Variants in RBFOX1 observed in about 807,000 individuals in gnomAD.
RBFOX1 encodes RNA binding fox-1 homolog 1, also known as RNA binding protein fox-1 homolog 1.
In RBFOX1, 8 loss-of-function variants were observed where a neutral mutation model predicts 57.7. The ratio of observed to expected loss-of-function variants is 0.14; its 90% CI spans 0.08 to 0.25. The LOEUF is 0.25. RBFOX1 is among the 10% of genes least tolerant of loss of function. RBFOX1 has a pLI of 1.00. For missense variants in RBFOX1, 611 were observed against 548.5 expected, an observed-to-expected ratio of 1.11 and a Z score of -1.14; for synonymous variants, 326 against 222.4, an observed-to-expected ratio of 1.47 and a Z score of -4.15.
chr16:6,583,996 ACAT>A (rs1419582005), intron 2 of RBFOX1, among the ~76,000 whole-genome samples: 6 of 121,164 alleles, frequency 5.0e-5, no homozygotes, highest in Admixed American at 2.8e-4. Context: ...AACGACAACA[ACAT>A]TTAAAAAAAA....
chr16:6,212,855 G>C (rs567821369), intron 1 of RBFOX1, among the ~76,000 whole-genome samples: 1 of 152,032 alleles, frequency 6.6e-6, no homozygotes, highest in South Asian at 2.1e-4. Context: ...ACCTGAAAAA[G>C]GTAAGAAGAA....
chr16:6,872,398 CT>C (rs1265421816), intron 3 of RBFOX1, among the ~76,000 whole-genome samples: 2 of 152,030 alleles, frequency 1.3e-5, no homozygotes. Context: ...GACCATAGCT[CT>C]TTTTTTAATC....
At chr16:6,632,165 C>T (rs978615466) in intron 2 of RBFOX1, among the ~76,000 whole-genome samples, 1 of 152,110 alleles carries the variant, frequency 6.6e-6, no homozygotes, top group Non-Finnish European at 1.5e-5. Context: ...TCCTTCACTT[C>T]CTCCTCCTTG....
chr16:6,010,192 C>G (rs750216771), intron 4 of RBFOX1, among the ~76,000 whole-genome samples: 1 of 152,132 alleles, frequency 6.6e-6, no homozygotes, highest in Non-Finnish European at 1.5e-5. Flanking sequence ...AATCTCAGCA[C>G]CTGACAACTC....
chr16:7,206,827 A>G (rs1381903828), intron 4 of RBFOX1, among the ~76,000 whole-genome samples: 3 of 152,124 alleles, frequency 2.0e-5, no homozygotes, highest in African/African-American at 7.2e-5. Flanking sequence ...GTTGGGATTT[A>G]TAAACAATCA....
At chr16:5,511,068 G>C (rs13329980) in intron 2 of RBFOX1, among the ~76,000 whole-genome samples, 38,179 of 151,982 alleles carry the variant, frequency 0.25, 5,058 homozygotes, top group Non-Finnish European at 0.29. Flanking sequence ...TGATGCAATT[G>C]GCCGTGAAAA....
rs1039622081 is a variant in RBFOX1 at position 6,976,846 on chromosome 16, A to C, written c.-15-75211A>C. Reference sequence around the variant, plus strand: ...TCATATATAATGTACCTATCATATGATGTATATCACATATATATCACATAT... The same window carrying C: ...TCATATATAATGTACCTATCATATGCTGTATATCACATATATATCACATAT... On this transcript the variant is annotated intron_variant, in intron 3 of 15. Transcript: ENST00000550418. Among the ~76,000 whole-genome samples, 6 of 127,972 alleles carry C rather than the reference A, an allele frequency of 4.7e-5. No homozygotes were observed. In the East Asian group the frequency reaches 9.3e-4, roughly 20 times the overall value. The allele number at this position is 127,972 out of a possible 152,430, so 84.0% of individuals were successfully genotyped here.
In RBFOX1 at chr16:7,430,200, G is replaced by A. The variant is rs187062857; in HGVS notation, c.28-87947G>A. On this transcript the variant is annotated intron_variant, in intron 4 of 15. Transcript: ENST00000550418. ...TTTTTGGATAAATAATGTTCCATTG[G>A]CCCACAGTAACTATTCCAGCCTCAT... 1.6e-4 allele frequency among the ~76,000 whole-genome samples: 24 copies of A among 152,174 alleles called. No homozygotes were observed. In the East Asian group the frequency reaches 3.9e-3, roughly 24 times the overall value.
intron 3 of RBFOX1, among the ~76,000 whole-genome samples, chr16:6,832,345 T>G (rs767846086): frequency 1.3e-5 from 2 of 152,184 alleles, no homozygotes; most frequent in African/African-American, 2.4e-5. Context: ...TTACAGAGTG[T>G]TCTAAATTAG....
chr16:6,228,198 C>G (rs1456277789), intron 1 of RBFOX1, among the ~76,000 whole-genome samples: 1 of 152,084 alleles, frequency 6.6e-6, no homozygotes, highest in East Asian at 1.9e-4. Context: ...GTATTCCCAG[C>G]TACTCGGGGC....
chr16:7,313,475 C>CTTTTCT (rs1555698064), intron 4 of RBFOX1, among the ~76,000 whole-genome samples: 3 of 144,278 alleles, frequency 2.1e-5, no homozygotes, highest in South Asian at 2.2e-4. Context: ...CTTTTCTTGT[C>CTTTTCT]TTTTTTTTTT....
chr16:6,968,626 A>G (rs573273558), intron 3 of RBFOX1, among the ~76,000 whole-genome samples: 2 of 152,144 alleles, frequency 1.3e-5, no homozygotes, highest in Non-Finnish European at 2.9e-5. Context: ...TTCAGTTTGC[A>G]TTTACACAAC....
chr16:7,631,000 A>G (rs1227889980), intron 11 of RBFOX1, among the ~76,000 whole-genome samples: 1 of 152,156 alleles, frequency 6.6e-6, no homozygotes, highest in African/African-American at 2.4e-5. Context: ...TTAATATAAA[A>G]ATAATTTAAA....
intron 2 of RBFOX1, among the ~76,000 whole-genome samples, chr16:5,579,707 C>T (rs28665332): frequency 2.6e-5 from 4 of 152,060 alleles, no homozygotes; most frequent in African/African-American, 7.2e-5. Context: ...TTGACTTTTC[C>T]TTTCATGACA....
At chr16:7,314,157 C>G (rs544318363) in intron 4 of RBFOX1, among the ~76,000 whole-genome samples, 10 of 152,198 alleles carry the variant, frequency 6.6e-5, no homozygotes, top group Admixed American at 3.9e-4. Flanking sequence ...ATCATCAGCA[C>G]TGAGAATGAT....
chr16:6,377,397 C>A (rs1052697571), intron 2 of RBFOX1, among the ~76,000 whole-genome samples: 1 of 152,122 alleles, frequency 6.6e-6, no homozygotes, highest in Non-Finnish European at 1.5e-5. Context: ...AATAAGCCCA[C>A]GTTCTGACAT....
chr16:5,248,335 C>T (rs2062355848), intron 1 of RBFOX1, among the ~76,000 whole-genome samples: 1 of 152,242 alleles, frequency 6.6e-6, no homozygotes, highest in African/African-American at 2.4e-5. Flanking sequence ...CTCTGAGCCA[C>T]ATGCAGCTTC....
intron 2 of RBFOX1, among the ~76,000 whole-genome samples, chr16:5,522,656 A>C (rs1196221928): frequency 6.6e-6 from 1 of 152,132 alleles, no homozygotes; most frequent in Admixed American, 6.6e-5. Flanking sequence ...GTTTGTACCC[A>C]TTAACCAGTC....
chr16:7,361,149 C>T (rs147148835), intron 4 of RBFOX1, among the ~76,000 whole-genome samples: 2 of 152,316 alleles, frequency 1.3e-5, no homozygotes, highest in East Asian at 3.9e-4. Context: ...CCTGCCAGCC[C>T]TCTTTCCAAG....
Sources: gnomAD v4.1 joint callset for allele counts (sites outside exome capture counted in the v4.1 genomes callset) on GRCh38, gnomAD v4.1.1 for gene constraint, MANE v1.5 for transcripts, NCBI Gene and HGNC (gene_info 2026-07-23, HGNC 2026-07-21) for gene names.